PTPRM: variants seen among roughly 807,000 people sequenced by gnomAD.
PTPRM encodes receptor-type tyrosine-protein phosphatase mu.
In PTPRM, 47 loss-of-function variants were observed where a neutral mutation model predicts 186.7. The ratio of observed to expected loss-of-function variants is 0.25; its 90% CI spans 0.20 to 0.32. PTPRM has a LOEUF of 0.32. Ranked by LOEUF, PTPRM falls within the 10% of genes least tolerant of loss-of-function variation. The probability of loss-of-function intolerance (pLI) is 1.00; values close to 1 mark genes in which losing one functional copy is unlikely to be tolerated. For missense variants in PTPRM, 1,494 were observed against 1,865.0 expected, an observed-to-expected ratio of 0.80 and a Z score of 3.66; for synonymous variants, 668 against 674.9, an observed-to-expected ratio of 0.99 and a Z score of 0.16.
At chr18:7,925,904 A>G (rs2051146477) in intron 4 of PTPRM, among the ~76,000 whole-genome samples, 1 of 152,206 alleles carries the variant, frequency 6.6e-6, no homozygotes, top group Admixed American at 6.5e-5. Context: ...GCTGTCCCAT[A>G]TGGACAATGT....
At chr18:7,919,333 A>G (rs778544826) in intron 4 of PTPRM, among the ~76,000 whole-genome samples, 1 of 152,116 alleles carries the variant, frequency 6.6e-6, no homozygotes, top group Non-Finnish European at 1.5e-5. Context: ...TCTGTTAAGA[A>G]TGGCATTGAT....
chr18:7,835,873 T>G (rs1338442589), intron 2 of PTPRM, among the ~76,000 whole-genome samples: 2 of 132,300 alleles, frequency 1.5e-5, no homozygotes, highest in Non-Finnish European at 3.2e-5. Flanking sequence ...TTGTTTTGTT[T>G]TGTTTTTTAT....
At chr18:8,238,651 GTTTTTTTTTTTTTTTTTTT>G (rs71165776) in intron 14 of PTPRM, among the ~76,000 whole-genome samples, 2 of 25,758 alleles carry the variant, frequency 7.8e-5, no homozygotes, top group East Asian at 1.5e-3. Context: ...TGTTTTGTGT[GTTTTTTTTTTTTTTTTTTT>G]TTTTTTTTTT....
intron 7 of PTPRM, among the ~76,000 whole-genome samples, chr18:7,983,387 A>C (rs1298181700): frequency 6.6e-6 from 1 of 152,032 alleles, no homozygotes; most frequent in Non-Finnish European, 1.5e-5. Flanking sequence ...CTTCTACAAC[A>C]CTGGTCCCTG....
In PTPRM at chr18:7,718,764, T is replaced by G. The variant is rs180690234; in HGVS notation, c.74-55385T>G. ...CTGGGCAAAGGACAAGAATAGATGA[T>G]TCTTAAAAGAAGATATACAAACAAC... On this transcript the variant is annotated intron_variant, in intron 1 of 32. Coordinates refer to ENST00000580170, the MANE Select transcript of PTPRM (RefSeq NM_001105244.2). Among the ~76,000 whole-genome samples the G allele has an allele frequency of 1.3e-3, 200 of 152,288 alleles. 1 individual carries two copies. The highest frequency in any genetic ancestry group is 4.3e-3 in the African/African-American group (180 of 41,568).
chr18:7,902,244 G>C (rs1404340338), intron 3 of PTPRM, among the ~76,000 whole-genome samples: 1 of 152,200 alleles, frequency 6.6e-6, no homozygotes, highest in Non-Finnish European at 1.5e-5. Context: ...TTTGCCTCTT[G>C]ATATTCTAGT....
chr18:7,615,480 G>C (rs989748875), intron 1 of PTPRM, among the ~76,000 whole-genome samples: 1 of 152,070 alleles, frequency 6.6e-6, no homozygotes, highest in South Asian at 2.1e-4. Flanking sequence ...ACAGAGACTA[G>C]GTCCATTCCC....
chr18:8,004,046 T>A (rs2084027385), intron 7 of PTPRM, among the ~76,000 whole-genome samples: 1 of 152,172 alleles, frequency 6.6e-6, no homozygotes, highest in African/African-American at 2.4e-5. Context: ...TGAAAGGAAA[T>A]GGAAATGCTT....
intron 14 of PTPRM, among the ~76,000 whole-genome samples, chr18:8,200,136 C>A (rs2093833833): frequency 6.6e-6 from 1 of 152,100 alleles, no homozygotes; most frequent in South Asian, 2.1e-4. Flanking sequence ...GTCCTTGGGA[C>A]TGAATATAAA....
At chr18:8,216,852 G>A (rs550192162) in intron 14 of PTPRM, among the ~76,000 whole-genome samples, 43 of 152,290 alleles carry the variant, frequency 2.8e-4, no homozygotes, top group African/African-American at 3.4e-4. Context: ...CAAGTAACTC[G>A]TCCAGTGAAG....
chr18:7,906,663 A>C (rs1599419424), intron 4 of PTPRM, 80 bp downstream of exon 4: 1 of 1,166,932 alleles, frequency 8.6e-7, no homozygotes, highest in South Asian at 1.2e-5. Flanking sequence ...AGGGATGAAA[A>C]CCTGTGAAGA....
At chr18:7,688,676 T>C (rs1487487362) in intron 1 of PTPRM, among the ~76,000 whole-genome samples, 1 of 152,208 alleles carries the variant, frequency 6.6e-6, no homozygotes, top group Non-Finnish European at 1.5e-5. Context: ...TCCAGGGATT[T>C]GCTGTAAGGT....
chr18:8,263,948 G>A (rs375434920), intron 19 of PTPRM, among the ~76,000 whole-genome samples: 27 of 152,290 alleles, frequency 1.8e-4, no homozygotes, highest in African/African-American at 5.1e-4. Flanking sequence ...TTAAACCTAA[G>A]GAGGATGTCA....
chr18:7,806,364 A>G (rs775915529), intron 2 of PTPRM, among the ~76,000 whole-genome samples: 1 of 152,194 alleles, frequency 6.6e-6, no homozygotes, highest in East Asian at 1.9e-4. Flanking sequence ...CATATTAGAA[A>G]ATCCACTGGG....
chr18:8,070,070 G>A (rs552171598), intron 8 of PTPRM, 76 bp downstream of exon 8: 7 of 1,326,900 alleles, frequency 5.3e-6, no homozygotes, highest in East Asian at 4.8e-5. Context: ...GATCTTTGCT[G>A]TGCAGATGGA....
At chr18:8,405,252 A>T (rs999872746) in intron 32 of PTPRM, 2 of 151,726 alleles carry the variant, frequency 1.3e-5, no homozygotes, top group Admixed American at 6.6e-5. Context: ...GATCTCAAAC[A>T]TTTCCCCTTC....
intron 1 of PTPRM, among the ~76,000 whole-genome samples, chr18:7,671,446 A>T (rs16952317): frequency 6.6e-6 from 1 of 152,100 alleles, no homozygotes; most frequent in Non-Finnish European, 1.5e-5. Context: ...GAGGGGTCAC[A>T]GTCCAGCAGT....
chr18:8,143,337 C>T (rs1428148136), intron 13 of PTPRM, among the ~76,000 whole-genome samples: 1 of 151,804 alleles, frequency 6.6e-6, no homozygotes, highest in Non-Finnish European at 1.5e-5. Flanking sequence ...GCAGAAAGAG[C>T]AGGAGCCAAT....
chr18:8,025,542 T>G (rs1022918449), intron 7 of PTPRM, among the ~76,000 whole-genome samples: 1 of 152,242 alleles, frequency 6.6e-6, no homozygotes, highest in Non-Finnish European at 1.5e-5. Context: ...AGGAAGGTGT[T>G]TGTTGATTCA....
Sources: gnomAD v4.1 joint callset for allele counts (sites outside exome capture counted in the v4.1 genomes callset) on GRCh38, gnomAD v4.1.1 for gene constraint, MANE v1.5 for transcripts, NCBI Gene and HGNC (gene_info 2026-07-23, HGNC 2026-07-21) for gene names.